NAV3: variants seen among roughly 807,000 people sequenced by gnomAD.
NAV3 encodes the protein pore membrane and/or filament interacting like protein 1.
Under a neutral mutation model 244.7 loss-of-function variants are expected in NAV3, and 87 were observed. The ratio of observed to expected loss-of-function variants is 0.36; its 90% CI spans 0.30 to 0.42. The LOEUF (loss-of-function observed/expected upper bound fraction) is 0.42, where lower values mean the gene tolerates loss of function less well. Among genes scored for constraint, NAV3 ranks in the 20% least tolerant of loss-of-function variants. NAV3 has a pLI of 1.00. For synonymous variants in NAV3, 1,126 were observed against 1,042.2 expected, an observed-to-expected ratio of 1.08 and a Z score of -1.55; for missense variants, 2,663 against 2,893.3, an observed-to-expected ratio of 0.92 and a Z score of 1.83.
intron 3 of NAV3, among the ~76,000 whole-genome samples, chr12:77,957,478 T>G (rs949845264): frequency 2.0e-5 from 3 of 152,324 alleles, no homozygotes; most frequent in East Asian, 3.9e-4. Flanking sequence ...AAGATATTAC[T>G]TTGTTGATAT....
chr12:77,964,901 T>C (rs1309615452), intron 3 of NAV3, among the ~76,000 whole-genome samples: 1 of 152,148 alleles, frequency 6.6e-6, no homozygotes, highest in Non-Finnish European at 1.5e-5. Flanking sequence ...AAAATTACTA[T>C]TTTAAAGGAA....
chr12:78,177,632 C>A lies in NAV3; in HGVS notation c.5310C>A (p.Val1770=), dbSNP rs1006263790. The A allele has an allele frequency of 2.5e-6, 4 of 1,597,148 alleles. No individual in the cohort carries two copies. Among genetic ancestry groups the A allele is most frequent in the Non-Finnish European group, 3.4e-6 (4 of 1,179,194 alleles). Residue 1770 remains valine (V), a synonymous_variant, in exon 28 of 40, where the codon GTC becomes GTA. Coordinates refer to ENST00000397909, the MANE Select transcript of NAV3 (RefSeq NM_001024383.2). ...TATGTACATACAGGTCACCCCTTGT[C>A]TGGCCACCAAAGAAACGACAAAATG... is the stretch of plus-strand genomic sequence containing the variant. ...PSQSASASPL[V]WPPKKRQNGP...
chr12:78,073,628 G>A (rs1393868484), intron 12 of NAV3, among the ~76,000 whole-genome samples: 1 of 152,050 alleles, frequency 6.6e-6, no homozygotes, highest in Non-Finnish European at 1.5e-5. Context: ...GTAATTTATA[G>A]ATTTAATGCC....
intron 2 of NAV3, among the ~76,000 whole-genome samples, chr12:77,660,324 C>G (rs1053163293): frequency 5.3e-5 from 8 of 152,048 alleles, no homozygotes; most frequent in African/African-American, 1.9e-4. Context: ...CATTTTGAAT[C>G]AAATTTGTTT....
chr12:78,133,158 G>A (rs536411378), intron 18 of NAV3, among the ~76,000 whole-genome samples: 10 of 152,102 alleles, frequency 6.6e-5, no homozygotes, highest in Admixed American at 2.6e-4. Context: ...ATTCCTGTCC[G>A]TGTCAACATA....
intron 23 of NAV3, among the ~76,000 whole-genome samples, chr12:78,162,019 G>A (rs949109334): frequency 1.3e-5 from 2 of 152,092 alleles, no homozygotes; most frequent in Admixed American, 1.3e-4. Context: ...CTGACCAGGA[G>A]AGCATAATTT....
At chr12:78,015,394 A>C (rs1876019512) in intron 8 of NAV3, among the ~76,000 whole-genome samples, 1 of 151,986 alleles carries the variant, frequency 6.6e-6, no homozygotes, top group African/African-American at 2.4e-5. Context: ...CCTTTCCCTG[A>C]CTTTCATGAT....
chr12:77,591,050 T>A (rs1048704375), intron 2 of NAV3, among the ~76,000 whole-genome samples: 12 of 151,560 alleles, frequency 7.9e-5, no homozygotes, highest in African/African-American at 2.9e-4. Flanking sequence ...CTCACCAAAT[T>A]AGTTTCCCTG....
In NAV3 at chr12:78,050,103, T is replaced by G; in HGVS notation, c.2132+2T>G. 1 of 1,588,734 alleles carries G rather than the reference T, an allele frequency of 6.3e-7. No homozygotes were observed. Among genetic ancestry groups the G allele is most frequent in the Non-Finnish European group, 8.6e-7 (1 of 1,166,578 alleles). ...TCGTGGGACTCAGATAAGCCACAGG[T>G]TTTTTTCAATTTTGCATATATTTGA... is the stretch of plus-strand genomic sequence containing the variant. On this transcript the variant is annotated splice_donor_variant, in intron 10 of 39. Transcript: ENST00000397909. LOFTEE classifies it high-confidence loss of function.
chr12:77,848,097 A>T (rs2370038), intron 1 of NAV3, among the ~76,000 whole-genome samples: 59,900 of 152,042 alleles, frequency 0.39, 13,684 homozygotes, highest in Non-Finnish European at 0.5. Context: ...CACAACAAGA[A>T]TAGTCAGAAT....
At position 78,205,088 on chromosome 12, in the gene NAV3, G is replaced by T; in HGVS notation, c.6988G>T (p.Ala2330Ser). 1 of 1,613,524 alleles carries T rather than the reference G, an allele frequency of 6.2e-7. No individual in the cohort carries two copies. The highest frequency in any genetic ancestry group is 8.5e-7 in the Non-Finnish European group (1 of 1,179,740). The change falls in exon 39 of 40, where the codon GCC (alanine) becomes TCC (serine). Residue 2330 changes from alanine (A) to serine (S), a missense_variant. By Grantham distance (99) the Ala-to-Ser change is moderately conservative. Transcript: ENST00000397909. ...TGAAAGCTGCACATCCACTAAGGAAGCCACAACCTCAAAGCACATTCCGCA... is the reference window on the plus strand; with the variant it reads ...TGAAAGCTGCACATCCACTAAGGAATCCACAACCTCAAAGCACATTCCGCA... ...GYESCTSTKEATTSKHIPQTD... is the reference protein window; with the variant it reads ...GYESCTSTKESTTSKHIPQTD...
intron 2 of NAV3, among the ~76,000 whole-genome samples, chr12:77,680,222 G>C (rs1874390670): frequency 6.6e-6 from 1 of 152,188 alleles, no homozygotes; most frequent in Admixed American, 6.5e-5. Context: ...TTTTATGCCT[G>C]TGGGGAGTGA....
intron 2 of NAV3, among the ~76,000 whole-genome samples, chr12:77,808,648 G>A (rs574161084): frequency 2.4e-4 from 37 of 152,336 alleles, no homozygotes; most frequent in African/African-American, 8.9e-4. Flanking sequence ...AGGAGGCGCA[G>A]GGATCAGGGA....
At chr12:78,063,209 C>G (rs2137480467) in intron 12 of NAV3, among the ~76,000 whole-genome samples, 1 of 152,228 alleles carries the variant, frequency 6.6e-6, no homozygotes, top group Admixed American at 6.5e-5. Flanking sequence ...AGTTCATTTA[C>G]TTTCCATATC....
At chr12:77,999,450 G>A (rs767180727) in intron 7 of NAV3, among the ~76,000 whole-genome samples, 3 of 152,154 alleles carry the variant, frequency 2.0e-5, no homozygotes, top group Non-Finnish European at 2.9e-5. Flanking sequence ...ATAGATAATT[G>A]TGAATTGTTT....
At chr12:77,757,355 TA>T (rs1445910579) in intron 2 of NAV3, among the ~76,000 whole-genome samples, 1 of 152,194 alleles carries the variant, frequency 6.6e-6, no homozygotes, top group Non-Finnish European at 1.5e-5. Flanking sequence ...GGGGTGGCAC[TA>T]AAATATTTAG....
At chr12:77,819,360 T>C (rs776863908) in intron 2 of NAV3, among the ~76,000 whole-genome samples, 12 of 151,592 alleles carry the variant, frequency 7.9e-5, no homozygotes. Context: ...ATAATGAGGA[T>C]TTTAAGCTGA....
intron 3 of NAV3, among the ~76,000 whole-genome samples, chr12:77,964,692 T>A (rs1412524598): frequency 1.3e-5 from 2 of 152,194 alleles, no homozygotes; most frequent in Non-Finnish European, 2.9e-5. Context: ...GATGGTGATC[T>A]GCAGAACAAT....
chr12:78,198,339 C>G (rs1202155357), intron 35 of NAV3, among the ~76,000 whole-genome samples: 9 of 151,812 alleles, frequency 5.9e-5, no homozygotes, highest in African/African-American at 2.2e-4. Context: ...TAACTAAACT[C>G]TTTACTCAAA....
Sources: gnomAD v4.1 joint callset for allele counts (sites outside exome capture counted in the v4.1 genomes callset) on GRCh38, gnomAD v4.1.1 for gene constraint, MANE v1.5 for transcripts, NCBI Gene and HGNC (gene_info 2026-07-23, HGNC 2026-07-21) for gene names.